The following PALLD variants were observed in gnomAD, a reference collection of about 807,000 sequenced individuals.
The protein encoded by PALLD is palladin.
A neutral mutation model predicts 123.5 loss-of-function variants in PALLD; 61 were observed. The observed-to-expected ratio is 0.49, with a 90% CI of 0.40 to 0.61. The LOEUF is 0.61. Ranked by LOEUF, PALLD falls within the 20% of genes least tolerant of loss-of-function variation. The probability of loss-of-function intolerance (pLI) is 0.00; values close to 1 mark genes in which losing one functional copy is unlikely to be tolerated. For synonymous variants in PALLD, 465 were observed against 496.4 expected (o/e 0.94, Z 0.84); for missense variants, 1,273 against 1,377.0 (o/e 0.92, Z 1.20).
At chr4:168,837,487 G>A (rs750526301) in intron 10 of PALLD, among the ~76,000 whole-genome samples, 10 of 152,142 alleles carry the variant, frequency 6.6e-5, no homozygotes, top group South Asian at 2.1e-4. Context: ...AGCACCTATC[G>A]GTAGCTGAAT....
At chr4:168,552,570 A>G (rs1766848874) in intron 2 of PALLD, among the ~76,000 whole-genome samples, 1 of 152,182 alleles carries the variant, frequency 6.6e-6, no homozygotes, top group African/African-American at 2.4e-5. Context: ...AACCCCCTAT[A>G]CAGGAAGAAA....
chr4:168,645,984 G>T (rs140950791), intron 2 of PALLD, among the ~76,000 whole-genome samples: 1 of 152,148 alleles, frequency 6.6e-6, no homozygotes, highest in Admixed American at 6.5e-5. Context: ...ATTAAAAACC[G>T]GGAGACGACC....
chr4:168,795,169 A>G (rs915169856), intron 10 of PALLD, among the ~76,000 whole-genome samples: 8 of 152,230 alleles, frequency 5.3e-5, no homozygotes, highest in Non-Finnish European at 1.5e-5. Flanking sequence ...TAGGATTTCA[A>G]CATAAGAATT....
chr4:168,564,766 A>G (rs769893405), intron 2 of PALLD, among the ~76,000 whole-genome samples: 3 of 152,206 alleles, frequency 2.0e-5, no homozygotes, highest in African/African-American at 7.2e-5. Context: ...TCAAGTTTAT[A>G]TATTTATGTT....
At chr4:168,625,510 T>TATATATATATATATATAGATAG (rs1775169660) in intron 2 of PALLD, among the ~76,000 whole-genome samples, 1 of 65,096 alleles carries the variant, frequency 1.5e-5, no homozygotes, top group Non-Finnish European at 4.1e-5. Flanking sequence ...GAGATATATA[T>TATATATATATATATATAGATAG]ATATATATCC....
intron 2 of PALLD, among the ~76,000 whole-genome samples, chr4:168,645,682 C>T (rs377353026): frequency 3.3e-5 from 5 of 152,168 alleles, no homozygotes; most frequent in Non-Finnish European, 7.3e-5. Flanking sequence ...AGAGTGAACA[C>T]TTATTCGATG....
At chr4:168,641,992 T>C (rs1332131523) in intron 2 of PALLD, among the ~76,000 whole-genome samples, 1 of 152,222 alleles carries the variant, frequency 6.6e-6, no homozygotes, top group Non-Finnish European at 1.5e-5. Flanking sequence ...ACACAGGCAC[T>C]GCACTGATTT....
intron 2 of PALLD, among the ~76,000 whole-genome samples, chr4:168,517,947 T>C (rs535907675): frequency 6.6e-6 from 1 of 152,334 alleles, no homozygotes; most frequent in Admixed American, 6.5e-5. Flanking sequence ...GTGCATACAC[T>C]AAGCCTTTAT....
chr4:168,675,934 T>C (rs1012241549), intron 3 of PALLD, among the ~76,000 whole-genome samples: 3 of 152,080 alleles, frequency 2.0e-5, no homozygotes. Context: ...TGCACACCTG[T>C]AGTCCCAGCT....
chr4:168,821,262 G>A (rs1289702366), intron 10 of PALLD, among the ~76,000 whole-genome samples: 1 of 152,204 alleles, frequency 6.6e-6, no homozygotes, highest in African/African-American at 2.4e-5. Context: ...ATGTGTGAAA[G>A]TGTATGTTTA....
chr4:168,790,279 A>G (rs1413496860), intron 10 of PALLD, among the ~76,000 whole-genome samples: 1 of 150,396 alleles, frequency 6.6e-6, no homozygotes, highest in African/African-American at 2.5e-5. Flanking sequence ...CTCCTGCCTC[A>G]GCCTCCCCAG....
chr4:168,651,711 CAAG>C (rs1388471430), intron 2 of PALLD, among the ~76,000 whole-genome samples: 3 of 152,118 alleles, frequency 2.0e-5, no homozygotes, highest in Admixed American at 6.5e-5. Context: ...TGATGCTTTA[CAAG>C]AAGAAGAGGT....
At chr4:168,600,305 G>C (rs1772509535) in intron 2 of PALLD, among the ~76,000 whole-genome samples, 1 of 152,074 alleles carries the variant, frequency 6.6e-6, no homozygotes, top group Non-Finnish European at 1.5e-5. Context: ...TTGGGGATTA[G>C]ACTAAAAGGA....
At chr4:168,790,592 C>T (rs773491972) in intron 10 of PALLD, among the ~76,000 whole-genome samples, 1 of 152,144 alleles carries the variant, frequency 6.6e-6, no homozygotes, top group Admixed American at 6.6e-5. Flanking sequence ...TTTGAAATGG[C>T]ACCTTTATCA....
At chr4:168,914,798 C>T (rs1003691807) in intron 16 of PALLD, among the ~76,000 whole-genome samples, 2 of 152,182 alleles carry the variant, frequency 1.3e-5, no homozygotes, top group East Asian at 3.8e-4. Flanking sequence ...AGTTAGCTCA[C>T]AGAGAGTAGG....
At chr4:168,832,770 T>G (rs1403830088) in intron 10 of PALLD, 1 of 152,044 alleles carries the variant, frequency 6.6e-6, no homozygotes, top group African/African-American at 2.4e-5. Flanking sequence ...TGCGCGTAAC[T>G]CGGGGCGTCC....
chr4:168,873,502 C>G (rs187684824), intron 10 of PALLD, among the ~76,000 whole-genome samples: 33 of 152,286 alleles, frequency 2.2e-4, no homozygotes, highest in South Asian at 4.1e-4. Context: ...AAATTACTTG[C>G]AATCCAGATA....
intron 10 of PALLD, among the ~76,000 whole-genome samples, chr4:168,716,055 T>C (rs568421512): frequency 1.3e-5 from 2 of 152,176 alleles, no homozygotes; most frequent in Non-Finnish European, 2.9e-5. Flanking sequence ...TTGCCAAGCA[T>C]ATAGAAAGGC....
At chr4:168,534,480 T>C (rs1204743478) in intron 2 of PALLD, among the ~76,000 whole-genome samples, 3 of 152,264 alleles carry the variant, frequency 2.0e-5, no homozygotes, top group Non-Finnish European at 2.9e-5. Context: ...TAATCATTTA[T>C]ATTCTCAAGA....
Sources: allele counts gnomAD v4.1 joint callset (sites outside exome capture counted in the v4.1 genomes callset), GRCh38; gene constraint gnomAD v4.1.1; transcripts MANE v1.5; gene names NCBI Gene and HGNC (gene_info 2026-07-23, HGNC 2026-07-21).